The following FUT9 variants were observed in gnomAD, a reference collection of about 807,000 sequenced individuals.
The protein encoded by FUT9 is 4-galactosyl-N-acetylglucosaminide 3-alpha-L-fucosyltransferase 9.
Under a neutral mutation model 29.7 loss-of-function variants are expected in FUT9, and 15 were observed. The observed-to-expected ratio is 0.51, with a 90% confidence interval of 0.34 to 0.78. The LOEUF (loss-of-function observed/expected upper bound fraction) is 0.78. Among genes scored for constraint, FUT9 ranks in the 30% least tolerant of loss-of-function variants. The probability of loss-of-function intolerance (pLI) is 0.01; values close to 1 mark genes in which losing one functional copy is unlikely to be tolerated. For missense variants in FUT9, 319 were observed against 425.4 expected (o/e 0.75, Z 2.20); for synonymous variants, 169 against 153.7 (o/e 1.10, Z -0.74).
At chr6:96,053,739 T>G (rs1330482197) in intron 1 of FUT9, among the ~76,000 whole-genome samples, 4 of 152,058 alleles carry the variant, frequency 2.6e-5, no homozygotes, top group Non-Finnish European at 4.4e-5. Flanking sequence ...TTAACAAACA[T>G]ATTTAAATAA....
intron 1 of FUT9, among the ~76,000 whole-genome samples, chr6:96,079,545 T>C (rs1230158594): frequency 6.6e-6 from 1 of 152,190 alleles, no homozygotes; most frequent in African/African-American, 2.4e-5. Context: ...AGAAAATAAA[T>C]GCATGAGATT....
intron 2 of FUT9, among the ~76,000 whole-genome samples, chr6:96,115,847 G>A (rs1173080691): frequency 6.6e-6 from 1 of 152,086 alleles, no homozygotes; most frequent in Non-Finnish European, 1.5e-5. Flanking sequence ...GTACTTCTAA[G>A]CTATATACAT....
intron 1 of FUT9, among the ~76,000 whole-genome samples, chr6:96,071,347 G>A (rs144766698): frequency 2.9e-3 from 443 of 152,294 alleles, no homozygotes; most frequent in African/African-American, 9.2e-3. Flanking sequence ...GTCTGGTAAG[G>A]GATAGTATGT....
At chr6:96,152,595 C>T (rs950500764) in intron 2 of FUT9, among the ~76,000 whole-genome samples, 7 of 152,058 alleles carry the variant, frequency 4.6e-5, no homozygotes, top group Non-Finnish European at 8.8e-5. Context: ...ATAAAATGTC[C>T]TTTTAACACA....
intron 1 of FUT9, among the ~76,000 whole-genome samples, chr6:96,103,005 G>A (rs772031225): frequency 2.6e-5 from 4 of 152,126 alleles, no homozygotes; most frequent in Non-Finnish European, 5.9e-5. Flanking sequence ...AGAGTGGTAG[G>A]CAGGTCCAGA....
At position 96,204,511 on chromosome 6, in the gene FUT9, T is replaced by C; in HGVS notation, c.*276T>C. 4.6e-6 allele frequency: 1 copy of C among 215,964 alleles called. No homozygotes were observed. 13.4% of individuals were successfully genotyped at this position (215,964 alleles called of 1,614,324 possible). A position where few individuals can be genotyped will look rare whatever the true frequency, so the allele number is the denominator to read the frequency against. On this transcript the variant is annotated 3_prime_UTR_variant, in exon 3 of 3. Transcript: ENST00000302103. Reference sequence around the variant, plus strand: ...TAAACATTGTTTTTTCACATTTTTGTAGTTGTCCATAATGTAAGCTTGTGG... The same window carrying C: ...TAAACATTGTTTTTTCACATTTTTGCAGTTGTCCATAATGTAAGCTTGTGG...
At chr6:96,074,152 T>A (rs1274012598) in intron 1 of FUT9, among the ~76,000 whole-genome samples, 1 of 152,132 alleles carries the variant, frequency 6.6e-6, no homozygotes, top group East Asian at 1.9e-4. Context: ...AACATAAAAT[T>A]TGTACTGCAC....
In FUT9 at chr6:96,212,600, G is replaced by T. The variant is rs2127994081; in HGVS notation, c.*8365G>T. 1 of 357,396 alleles carries T rather than the reference G, an allele frequency of 2.8e-6. No individual in the cohort carries two copies. Among genetic ancestry groups the T allele is most frequent in the African/African-American group, 2.1e-5 (1 of 47,614 alleles). The allele number at this position is 357,396 out of a possible 1,614,324, so 22.1% of individuals were successfully genotyped here. A position where few individuals can be genotyped will look rare whatever the true frequency, so the allele number is the denominator to read the frequency against. On this transcript the variant is annotated 3_prime_UTR_variant, in exon 3 of 3. Coordinates refer to ENST00000302103, the MANE Select transcript of FUT9 (RefSeq NM_006581.4). ...AATTGTGACAATATAAAATGGCATTGTTATAGAATCCCTAAAAGGTAAATA... is the reference window on the plus strand; with the variant it reads ...AATTGTGACAATATAAAATGGCATTTTTATAGAATCCCTAAAAGGTAAATA...
At chr6:96,055,668 T>G (rs1041357705) in intron 1 of FUT9, among the ~76,000 whole-genome samples, 2 of 151,248 alleles carry the variant, frequency 1.3e-5, no homozygotes, top group Non-Finnish European at 2.9e-5. Flanking sequence ...TAGATAATTG[T>G]TTTTTGTTTT....
intron 2 of FUT9, among the ~76,000 whole-genome samples, chr6:96,167,683 T>C (rs1421807770): frequency 6.6e-6 from 1 of 151,570 alleles, no homozygotes; most frequent in Non-Finnish European, 1.5e-5. Context: ...ATAAAAAGAG[T>C]AGAGTAAGGA....
At chr6:96,035,916 T>C (rs1289677511) in intron 1 of FUT9, among the ~76,000 whole-genome samples, 8 of 81,218 alleles carry the variant, frequency 9.9e-5, no homozygotes, top group African/African-American at 3.1e-4. Context: ...TAATACATTA[T>C]GTTTATTATA....
intron 2 of FUT9, among the ~76,000 whole-genome samples, chr6:96,175,599 TAG>T (rs1259530848): frequency 2.6e-5 from 4 of 152,216 alleles, no homozygotes; most frequent in African/African-American, 4.8e-5. Context: ...ATTGAAAATA[TAG>T]AGTTTCTTGT....
intron 2 of FUT9, among the ~76,000 whole-genome samples, chr6:96,199,501 G>A (rs1161904820): frequency 6.6e-6 from 1 of 152,118 alleles, no homozygotes; most frequent in Non-Finnish European, 1.5e-5. Context: ...AAACCACACA[G>A]TAGAAGAAAC....
chr6:96,078,405 C>CTGATTTTTTT lies in FUT9; in HGVS notation c.-97-35633_-97-35632insGATTTTTTTT, dbSNP rs1201729276. On this transcript the variant is annotated intron_variant, in intron 1 of 2. Transcript: ENST00000302103. Reference sequence around the variant, plus strand: ...TTTGATCTCTTTCTTTCATATTAGTCTTCTTTTTTTTTTTTTTTTTTTTTT... The same window carrying CTGATTTTTTT: ...TTTGATCTCTTTCTTTCATATTAGTCTGATTTTTTTTTCTTTTTTTTTTTTTTTTTTTTTT... Among the ~76,000 whole-genome samples, 56 of 45,204 alleles carry CTGATTTTTTT rather than the reference C, an allele frequency of 1.2e-3. 1 individual carries two copies. The highest frequency in any genetic ancestry group is 2.0e-3 in the Non-Finnish European group (46 of 23,180). 29.7% of individuals were successfully genotyped at this position (45,204 alleles called of 152,430 possible). A position where few individuals can be genotyped will look rare whatever the true frequency, so the allele number is the denominator to read the frequency against.
chr6:96,202,739 G>A (rs1773750468), intron 2 of FUT9, among the ~76,000 whole-genome samples: 1 of 152,046 alleles, frequency 6.6e-6, no homozygotes, highest in Admixed American at 6.6e-5. Context: ...CTCAATATGC[G>A]AGTAAATAAG....
rs1161078972 is a variant in FUT9, at chr6:96,211,958, A to G, written c.*7723A>G. ...GTAAGTTAAGTTATAGCTTGCTGGA[A>G]TTTTATTGTGGAAAACAAATATAGA... is the stretch of plus-strand genomic sequence containing the variant. On this transcript the variant is annotated 3_prime_UTR_variant, in exon 3 of 3. Transcript: ENST00000302103. The G allele has an allele frequency of 2.4e-6, 1 of 409,280 alleles. No homozygotes were observed. Among genetic ancestry groups the G allele is most frequent in the African/African-American group, 2.1e-5 (1 of 48,540 alleles). The allele number at this position is 409,280 out of a possible 1,614,324, so 25.4% of individuals were successfully genotyped here.
At chr6:96,198,704 C>G (rs1773674938) in intron 2 of FUT9, among the ~76,000 whole-genome samples, 1 of 152,174 alleles carries the variant, frequency 6.6e-6, no homozygotes, top group Non-Finnish European at 1.5e-5. Context: ...CTGACTTCCA[C>G]AATGGTTGAA....
At chr6:96,064,290 G>A (rs143131815) in intron 1 of FUT9, among the ~76,000 whole-genome samples, 1 of 152,246 alleles carries the variant, frequency 6.6e-6, no homozygotes, top group South Asian at 2.1e-4. Flanking sequence ...TTAGTACTGA[G>A]ACCCAGCCTG....
chr6:96,060,540 TC>T (rs1770855587), intron 1 of FUT9, among the ~76,000 whole-genome samples: 5 of 151,058 alleles, frequency 3.3e-5, no homozygotes, highest in Admixed American at 2.6e-4. Context: ...CTTTTCTCTC[TC>T]TCTTTTTTTT....
Sources: gnomAD v4.1 joint callset for allele counts (sites outside exome capture counted in the v4.1 genomes callset) on GRCh38, gnomAD v4.1.1 for gene constraint, MANE v1.5 for transcripts, NCBI Gene and HGNC (gene_info 2026-07-23, HGNC 2026-07-21) for gene names.